The following PABPC4L variants were observed in gnomAD, a reference collection of about 807,000 sequenced individuals.
PABPC4L encodes polyadenylate-binding protein 4-like.
For synonymous variants in PABPC4L, 169 were observed against 164.1 expected (o/e 1.03, Z -0.23); for missense variants, 452 against 451.4 (o/e 1.00, Z -0.01).
At chr4:134,120,204 A>C in the PABPC4L span, among the ~76,000 whole-genome samples, 1 of 150,422 alleles carries the variant, frequency 6.6e-6, no homozygotes, top group Non-Finnish European at 1.5e-5. Flanking sequence ...CATTATGTGA[A>C]GGGTCCCCTA....
At chr4:134,094,160 TA>T in the PABPC4L span, among the ~76,000 whole-genome samples, 1 of 151,976 alleles carries the variant, frequency 6.6e-6, no homozygotes, top group Non-Finnish European at 1.5e-5. Flanking sequence ...TAACAAACCT[TA>T]ATGTGTTACG....
chr4:134,104,397 G>A, the PABPC4L span, among the ~76,000 whole-genome samples: 1 of 151,704 alleles, frequency 6.6e-6, no homozygotes, highest in Admixed American at 6.6e-5. Context: ...TAATCTAATA[G>A]CTTGTTAGAT....
the PABPC4L span, among the ~76,000 whole-genome samples, chr4:133,986,569 A>T: frequency 1.3e-5 from 2 of 152,176 alleles, no homozygotes; most frequent in African/African-American, 4.8e-5. Context: ...ATATCACTGT[A>T]AAGTACTGAA....
At chr4:134,150,838 C>T in the PABPC4L span, among the ~76,000 whole-genome samples, 102,374 of 152,078 alleles carry the variant, frequency 0.67, 35,426 homozygotes, top group East Asian at 1. Flanking sequence ...ATCCAGAATG[C>T]TTTTAGTAAC....
the PABPC4L span, among the ~76,000 whole-genome samples, chr4:134,032,585 A>G: frequency 6.6e-6 from 1 of 151,948 alleles, no homozygotes; most frequent in Admixed American, 6.6e-5. Context: ...ATATGCACAC[A>G]CTATAACAGT....
the PABPC4L span, among the ~76,000 whole-genome samples, chr4:133,999,823 C>T: frequency 6.6e-5 from 10 of 151,790 alleles, no homozygotes; most frequent in South Asian, 8.3e-4. Context: ...GTTATATTTT[C>T]CAATGCAAAT....
chr4:133,991,450 A>C, the PABPC4L span, among the ~76,000 whole-genome samples: 1 of 152,170 alleles, frequency 6.6e-6, no homozygotes, highest in Non-Finnish European at 1.5e-5. Context: ...ATGCCAGTGC[A>C]TCTTGCCGCT....
At chr4:134,090,956 T>C in the PABPC4L span, among the ~76,000 whole-genome samples, 1 of 152,210 alleles carries the variant, frequency 6.6e-6, no homozygotes, top group East Asian at 1.9e-4. Context: ...GTCTGACCCC[T>C]AAATTTTTCT....
At chr4:133,951,019 A>G in the PABPC4L span, among the ~76,000 whole-genome samples, 2 of 152,346 alleles carry the variant, frequency 1.3e-5, no homozygotes, top group Non-Finnish European at 2.9e-5. Flanking sequence ...GGTTAAGAGC[A>G]TATAATTTAC....
the PABPC4L span, among the ~76,000 whole-genome samples, chr4:134,055,844 A>C: frequency 6.6e-6 from 1 of 152,074 alleles, no homozygotes; most frequent in Admixed American, 6.6e-5. Flanking sequence ...TAATTCATCA[A>C]ATTTTTTGTA....
At chr4:134,190,836 G>A in the PABPC4L span, among the ~76,000 whole-genome samples, 11 of 151,996 alleles carry the variant, frequency 7.2e-5, no homozygotes, top group Non-Finnish European at 1.6e-4. Flanking sequence ...ATTTTTAGTA[G>A]AGATGGGGCT....
chr4:133,991,001 T>C, the PABPC4L span, among the ~76,000 whole-genome samples: 8 of 152,148 alleles, frequency 5.3e-5, no homozygotes, highest in Non-Finnish European at 1.2e-4. Flanking sequence ...CTCTTTTCTG[T>C]TTTTTGTTTG....
In PABPC4L at chr4:134,201,216, A is replaced by C; in HGVS notation, c.-197T>G. The C allele has an allele frequency of 6.5e-7, 1 of 1,542,854 alleles. No homozygotes were observed. The highest frequency in any genetic ancestry group is 1.4e-5 in the African/African-American group (1 of 72,994). ...CATCCAAAAGTCCCCACAGCCACCAATCTGGCCCTCCTAGGACGCGGCAAC... is the reference window on the plus strand; with the variant it reads ...CATCCAAAAGTCCCCACAGCCACCACTCTGGCCCTCCTAGGACGCGGCAAC... On this transcript the variant is annotated 5_prime_UTR_variant, in exon 2 of 2. Coordinates refer to ENST00000421491, the MANE Select transcript of PABPC4L (RefSeq NM_001114734.2).
chr4:134,128,576 A>G, the PABPC4L span, among the ~76,000 whole-genome samples: 1 of 152,144 alleles, frequency 6.6e-6, no homozygotes, highest in East Asian at 1.9e-4. Context: ...TGAAGGAAAG[A>G]TAACAGTCTT....
the PABPC4L span, among the ~76,000 whole-genome samples, chr4:134,133,745 C>T: frequency 8.2e-3 from 1,238 of 151,708 alleles, 15 homozygotes; most frequent in African/African-American, 0.028. Context: ...GGGATGGGTG[C>T]GCCAAAATCT....
At chr4:134,186,960 C>T in the PABPC4L span, among the ~76,000 whole-genome samples, 1 of 152,082 alleles carries the variant, frequency 6.6e-6, no homozygotes, top group African/African-American at 2.4e-5. Context: ...CATCACTGGC[C>T]ATCAGAGAAA....
At chr4:133,987,079 T>C in the PABPC4L span, among the ~76,000 whole-genome samples, 1 of 152,178 alleles carries the variant, frequency 6.6e-6, no homozygotes, top group African/African-American at 2.4e-5. Context: ...AAAACTGGCT[T>C]GAGCTACAAA....
chr4:134,067,569 C>G, the PABPC4L span, among the ~76,000 whole-genome samples: 6 of 151,914 alleles, frequency 3.9e-5, no homozygotes, highest in African/African-American at 1.2e-4. Context: ...CTTCTGCTAG[C>G]TTTGGGGTTG....
At chr4:134,088,036 C>G in the PABPC4L span, among the ~76,000 whole-genome samples, 2 of 152,086 alleles carry the variant, frequency 1.3e-5, no homozygotes, top group Non-Finnish European at 2.9e-5. Context: ...CTTGTCTTAA[C>G]TGACCACCTG....
Sources: allele counts gnomAD v4.1 joint callset (sites outside exome capture counted in the v4.1 genomes callset), GRCh38; gene constraint gnomAD v4.1.1; transcripts MANE v1.5; gene names NCBI Gene and HGNC (gene_info 2026-07-23, HGNC 2026-07-21).